Variants in CSMD1 observed in about 807,000 individuals in gnomAD.
The protein encoded by CSMD1 is CUB and sushi domain-containing protein 1.
Under a neutral mutation model 417.5 loss-of-function variants are expected in CSMD1, and 213 were observed. The ratio of observed to expected loss-of-function variants is 0.51; its 90% CI spans 0.46 to 0.57. The LOEUF (loss-of-function observed/expected upper bound fraction) is 0.57, where lower values mean the gene tolerates loss of function less well. CSMD1 is among the 20% of genes least tolerant of loss of function. The pLI is 0.00. For synonymous variants in CSMD1, 2,862 were observed against 1,736.8 expected (o/e 1.65, Z -16.11); for missense variants, 6,923 against 4,529.7 (o/e 1.53, Z -15.17).
chr8:3,604,782 G>T (rs1359383306), intron 8 of CSMD1, among the ~76,000 whole-genome samples: 1 of 152,044 alleles, frequency 6.6e-6, no homozygotes, highest in Non-Finnish European at 1.5e-5. Context: ...CAGTTTTATT[G>T]CTTGTGGTAT....
intron 5 of CSMD1, among the ~76,000 whole-genome samples, chr8:3,793,567 T>A (rs1799871077): frequency 6.6e-6 from 1 of 151,386 alleles, no homozygotes; most frequent in Non-Finnish European, 1.5e-5. Flanking sequence ...CTCCAAAGCC[T>A]GCCACCCTGT....
At chr8:3,492,862 G>T (rs776923946) in intron 11 of CSMD1, among the ~76,000 whole-genome samples, 1 of 151,566 alleles carries the variant, frequency 6.6e-6, no homozygotes. Context: ...ACTTTATTAC[G>T]CAGTTTTACA....
chr8:3,889,088 C>G (rs1481650850), intron 5 of CSMD1, among the ~76,000 whole-genome samples: 1 of 151,852 alleles, frequency 6.6e-6, no homozygotes, highest in Non-Finnish European at 1.5e-5. Flanking sequence ...TGCTGGTGAC[C>G]AATTCATTGG....
chr8:3,538,147 A>C (rs971515774), intron 10 of CSMD1, among the ~76,000 whole-genome samples: 1 of 152,220 alleles, frequency 6.6e-6, no homozygotes, highest in Non-Finnish European at 1.5e-5. Context: ...TTCTAGATTT[A>C]CATCTTTACT....
At chr8:4,495,316 C>T (rs1387908910) in intron 2 of CSMD1, among the ~76,000 whole-genome samples, 1 of 152,196 alleles carries the variant, frequency 6.6e-6, no homozygotes, top group Non-Finnish European at 1.5e-5. Flanking sequence ...TGGCTCACGC[C>T]TGTAATCCCA....
intron 1 of CSMD1, among the ~76,000 whole-genome samples, chr8:4,694,967 T>G (rs1297417496): frequency 6.6e-6 from 1 of 152,164 alleles, no homozygotes; most frequent in East Asian, 1.9e-4. Context: ...TCTTGTACCT[T>G]TCACAGCTTA....
Position 3,576,478 on chromosome 8 carries a change from T to C in CSMD1, c.1223-1412A>G, listed in dbSNP as rs543187308. 4.6e-5 allele frequency among the ~76,000 whole-genome samples: 7 copies of C among 152,274 alleles called. No homozygotes were observed. In the East Asian group the frequency reaches 1.4e-3, roughly 29 times the overall value. On this transcript the variant is annotated intron_variant, in intron 9 of 69. Coordinates refer to ENST00000635120, the MANE Select transcript of CSMD1 (RefSeq NM_033225.6). ...CGCTGCAGTCCTAGACATGTGAAAATGGGACAACATAATTTGAGACAACTG... is the reference window on the plus strand; with the variant it reads ...CGCTGCAGTCCTAGACATGTGAAAACGGGACAACATAATTTGAGACAACTG...
At chr8:4,146,411 G>A (rs1428478541) in intron 3 of CSMD1, among the ~76,000 whole-genome samples, 1 of 150,276 alleles carries the variant, frequency 6.7e-6, no homozygotes. Context: ...TGGCACAGCA[G>A]ACTCCAAAGA....
chr8:4,206,432 G>T (rs779038890), intron 3 of CSMD1, among the ~76,000 whole-genome samples: 1 of 151,982 alleles, frequency 6.6e-6, no homozygotes, highest in Admixed American at 6.6e-5. Flanking sequence ...GAGAACATGC[G>T]GTGTTTGGTT....
At chr8:4,717,715 T>C (rs1234593826) in intron 1 of CSMD1, among the ~76,000 whole-genome samples, 1 of 152,048 alleles carries the variant, frequency 6.6e-6, no homozygotes, top group African/African-American at 2.4e-5. Context: ...GAGAATCACA[T>C]ACAGTGGAGC....
chr8:4,139,007 G>A (rs1300798891), intron 3 of CSMD1, among the ~76,000 whole-genome samples: 4 of 152,136 alleles, frequency 2.6e-5, no homozygotes, highest in Admixed American at 2.0e-4. Context: ...ACGGCCACAT[G>A]CAGAAAGGAC....
chr8:4,266,119 A>C lies in CSMD1; in HGVS notation c.415+153834T>G, dbSNP rs1354515. Among the ~76,000 whole-genome samples the C allele has an allele frequency of 2.0e-5, 2 of 101,844 alleles. 1 individual carries two copies. Among genetic ancestry groups the C allele is most frequent in the Admixed American group, 1.9e-4 (2 of 10,552 alleles). The allele number at this position is 101,844 out of a possible 152,430, so 66.8% of individuals were successfully genotyped here. ...TATTAGCTGATATTGATCATTTGGAACTGACTTAAAACCACCTTTTTACTT... is the reference window on the plus strand; with the variant it reads ...TATTAGCTGATATTGATCATTTGGACCTGACTTAAAACCACCTTTTTACTT... On this transcript the variant is annotated intron_variant, in intron 3 of 69. Coordinates refer to ENST00000635120, the MANE Select transcript of CSMD1 (RefSeq NM_033225.6).
chr8:4,757,890 C>T (rs1029917631), intron 1 of CSMD1, among the ~76,000 whole-genome samples: 1 of 144,822 alleles, frequency 6.9e-6, no homozygotes, highest in Admixed American at 7.3e-5. Context: ...ACCTGGGAGG[C>T]AGCGGTTGAA....
rs186927192 is a variant in CSMD1 at position 4,526,310 on chromosome 8, T to C, written c.303-106245A>G. ...CTCTACATAATAGGAAATGTATTAA[T>C]GTCAGAAATACTTTTGCAAAATACT... is the stretch of plus-strand genomic sequence containing the variant. On this transcript the variant is annotated intron_variant, in intron 2 of 69. Transcript: ENST00000635120. Among the ~76,000 whole-genome samples, 742 of 152,344 alleles carry C rather than the reference T, an allele frequency of 4.9e-3. 9 individuals carry two copies. The highest frequency in any genetic ancestry group is 0.017 in the African/African-American group (706 of 41,582).
chr8:4,593,094 G>A (rs1420304695), intron 2 of CSMD1, among the ~76,000 whole-genome samples: 5 of 152,074 alleles, frequency 3.3e-5, no homozygotes, highest in East Asian at 1.9e-4. Flanking sequence ...TAATGCATCC[G>A]GGCCATTTCT....
chr8:3,992,113 T>C lies in CSMD1; in HGVS notation c.818+5790A>G, dbSNP rs576318725. Among the ~76,000 whole-genome samples, 89 of 143,292 alleles carry C rather than the reference T, an allele frequency of 6.2e-4. 2 individuals carry two copies. Among genetic ancestry groups the C allele is most frequent in the Admixed American group, 4.8e-3 (68 of 14,088 alleles). 94.0% of individuals were successfully genotyped at this position (143,292 alleles called of 152,430 possible). ...TGCAGAGTATCAAGAAAAGGAGAAA[T>C]GTGTATATATATGTGTGTGTGTGTG... On this transcript the variant is annotated intron_variant, in intron 5 of 69. Coordinates refer to ENST00000635120, the MANE Select transcript of CSMD1 (RefSeq NM_033225.6).
chr8:3,729,907 T>A lies in CSMD1; in HGVS notation c.932-21416A>T, dbSNP rs573918699. Among the ~76,000 whole-genome samples the A allele has an allele frequency of 3.4e-5, 4 of 117,712 alleles. No individual in the cohort carries two copies. The South Asian group carries it at 1.1e-3, about 33-fold the overall frequency. 77.2% of individuals were successfully genotyped at this position (117,712 alleles called of 152,430 possible). A position where few individuals can be genotyped will look rare whatever the true frequency, so the allele number is the denominator to read the frequency against. On this transcript the variant is annotated intron_variant, in intron 6 of 69. Transcript: ENST00000635120. ...ACTCCCCAAATCTACAGAATTATTA[T>A]TTGCCAATTCAAAGTAAAAAAAAAA...
intron 51 of CSMD1, among the ~76,000 whole-genome samples, chr8:3,020,242 A>G (rs894833951): frequency 6.6e-6 from 1 of 152,244 alleles, no homozygotes; most frequent in Non-Finnish European, 1.5e-5. Flanking sequence ...AGGCTTAATC[A>G]GGGTTAACTA....
At chr8:4,819,846 G>A (rs554538190) in intron 1 of CSMD1, among the ~76,000 whole-genome samples, 1 of 152,100 alleles carries the variant, frequency 6.6e-6, no homozygotes, top group Non-Finnish European at 1.5e-5. Flanking sequence ...AAGAGCAAAC[G>A]AGTGTAGGGA....
Sources: gnomAD v4.1 joint callset for allele counts (sites outside exome capture counted in the v4.1 genomes callset) on GRCh38, gnomAD v4.1.1 for gene constraint, MANE v1.5 for transcripts, NCBI Gene and HGNC (gene_info 2026-07-23, HGNC 2026-07-21) for gene names.